Variants in HNRNPD observed in about 807,000 individuals in gnomAD.
HNRNPD encodes heterogeneous nuclear ribonucleoprotein D0.
A neutral mutation model predicts 47.9 loss-of-function variants in HNRNPD; 3 were observed. The observed-to-expected ratio is 0.06, with a 90% CI of 0.03 to 0.16. The LOEUF is 0.16. Among genes scored for constraint, HNRNPD ranks in the 10% least tolerant of loss-of-function variants. The pLI is 1.00. For synonymous variants in HNRNPD, 171 were observed against 165.1 expected, an observed-to-expected ratio of 1.04 and a Z score of -0.28; for missense variants, 287 against 454.2, an observed-to-expected ratio of 0.63 and a Z score of 3.35.
At chr4:82,355,637 C>G (rs910607477) in intron 7 of HNRNPD, 3 of 537,238 alleles carry the variant, frequency 5.6e-6, no homozygotes, top group Admixed American at 7.1e-5. Flanking sequence ...GGGAGACAAT[C>G]CCCTCACCCT....
rs1189821176 is a variant in HNRNPD, at chr4:82,370,818, A to C, written c.290+710T>G. Reference sequence around the variant, plus strand: ...AGGGGAGGGGAAAGGATGGATAAAAAGAACAATACTCAACCTACCAGCCTC... The same window carrying C: ...AGGGGAGGGGAAAGGATGGATAAAACGAACAATACTCAACCTACCAGCCTC... On this transcript the variant is annotated intron_variant, in intron 2 of 8. Transcript: ENST00000313899. Among the ~76,000 whole-genome samples the C allele has an allele frequency of 3.9e-5, 6 of 152,216 alleles. No individual in the cohort carries two copies. In the South Asian group the frequency reaches 1.0e-3, roughly 26 times the overall value.
In HNRNPD at chr4:82,361,390, A is replaced by C. The variant is rs28504223; in HGVS notation, c.291-1751T>G. ...AAAGCAATGACCTCTTGCTAAGATG[A>C]CCATAAGTTCCACAACAGAAATAAC... On this transcript the variant is annotated intron_variant, in intron 2 of 8. Coordinates refer to ENST00000313899, the MANE Select transcript of HNRNPD (RefSeq NM_031370.3). Among the ~76,000 whole-genome samples the C allele has an allele frequency of 5.9e-3, 895 of 152,096 alleles. 17 individuals carry two copies. The East Asian group carries it at 0.066, about 11-fold the overall frequency.
At chr4:82,371,701 A>G (rs1157192357) in intron 1 of HNRNPD, 117 bp from the exon 2 acceptor site, 2 of 696,380 alleles carry the variant, frequency 2.9e-6, no homozygotes, top group Non-Finnish European at 4.8e-6. Flanking sequence ...CTATAAAGTC[A>G]GCTGCTTTGC....
intron 1 of HNRNPD, among the ~76,000 whole-genome samples, chr4:82,372,115 TCCA>T (rs1038716345): frequency 6.6e-6 from 1 of 151,844 alleles, no homozygotes; most frequent in African/African-American, 2.4e-5. Flanking sequence ...TCTTGTTATA[TCCA>T]CCAACACCTT....
intron 4 of HNRNPD, 68 bp downstream of exon 4, chr4:82,358,591 G>C: frequency 1.4e-6 from 2 of 1,402,966 alleles, no homozygotes; most frequent in Non-Finnish European, 2.0e-6. Flanking sequence ...GTGACTCTGA[G>C]TCCATAATGG....
chr4:82,355,277 C>CAA (rs397761541), intron 8 of HNRNPD, 27 bp downstream of exon 8: 2,330 of 1,227,578 alleles, frequency 1.9e-3, no homozygotes, highest in African/African-American at 3.7e-3. Flanking sequence ...TTGTAAATGA[C>CAA]AAAAAAAAAC....
chr4:82,359,045 G>A (rs1208899597), intron 3 of HNRNPD, among the ~76,000 whole-genome samples: 2 of 151,968 alleles, frequency 1.3e-5, no homozygotes, highest in African/African-American at 4.8e-5. Flanking sequence ...CCAATTACTA[G>A]ATAACCATTA....
intron 2 of HNRNPD, among the ~76,000 whole-genome samples, chr4:82,363,901 T>G (rs1046640905): frequency 6.6e-6 from 1 of 152,214 alleles, no homozygotes; most frequent in Non-Finnish European, 1.5e-5. Flanking sequence ...TTTAGGCTCC[T>G]TTGTGGGACA....
intron 2 of HNRNPD, among the ~76,000 whole-genome samples, chr4:82,365,288 C>T (rs1054101880): frequency 6.6e-6 from 1 of 152,152 alleles, no homozygotes; most frequent in East Asian, 1.9e-4. Context: ...ACCTGATATA[C>T]ATTTCAGGTA....
chr4:82,357,009 T>G, intron 5 of HNRNPD, 114 bp from the exon 6 acceptor site: 1 of 927,402 alleles, frequency 1.1e-6, no homozygotes, highest in Non-Finnish European at 1.7e-6. Context: ...AATTTGAAAC[T>G]TTCCTCAGTC....
chr4:82,366,306 C>T (rs1417719260), intron 2 of HNRNPD, among the ~76,000 whole-genome samples: 1 of 152,120 alleles, frequency 6.6e-6, no homozygotes, highest in Non-Finnish European at 1.5e-5. Context: ...TGCGGTGGCG[C>T]GATCTTGGCT....
At chr4:82,373,004 A>G (rs1265102623) in intron 1 of HNRNPD, 2 of 377,684 alleles carry the variant, frequency 5.3e-6, no homozygotes, top group Non-Finnish European at 1.1e-5. Flanking sequence ...ATGGTGGAGA[A>G]GCACCAAATA....
At chr4:82,369,750 G>T (rs1719944461) in intron 2 of HNRNPD, among the ~76,000 whole-genome samples, 1 of 151,428 alleles carries the variant, frequency 6.6e-6, no homozygotes, top group Non-Finnish European at 1.5e-5. Context: ...AAGCCTTAAC[G>T]TCTGGAACAG....
chr4:82,362,483 TA>T (rs33923598), intron 2 of HNRNPD, among the ~76,000 whole-genome samples: 282 of 147,632 alleles, frequency 1.9e-3, no homozygotes, highest in Middle Eastern at 3.5e-3. Context: ...GCTTAGGCTT[TA>T]AAAAAAAAAA....
At chr4:82,372,787 A>C (rs1720123707) in intron 1 of HNRNPD, among the ~76,000 whole-genome samples, 1 of 152,200 alleles carries the variant, frequency 6.6e-6, no homozygotes, top group African/African-American at 2.4e-5. Flanking sequence ...CACCAGACCC[A>C]ATTTGGTCTG....
At chr4:82,356,432 C>T (rs1723715696) in intron 7 of HNRNPD, 105 bp downstream of exon 7, 13 of 885,868 alleles carry the variant, frequency 1.5e-5, no homozygotes, top group Non-Finnish European at 2.1e-5. Context: ...AATTTGAAAC[C>T]TGAAGACATT....
chr4:82,366,430 G>A (rs750961828), intron 2 of HNRNPD, among the ~76,000 whole-genome samples: 4 of 152,132 alleles, frequency 2.6e-5, no homozygotes, highest in Non-Finnish European at 5.9e-5. Flanking sequence ...TTTTAGTAGA[G>A]ACAGGGTTTC....
At chr4:82,359,109 A>G (rs367710312) in intron 3 of HNRNPD, among the ~76,000 whole-genome samples, 1 of 152,206 alleles carries the variant, frequency 6.6e-6, no homozygotes. Flanking sequence ...ATATACAAAC[A>G]TAACTGCTAC....
At chr4:82,366,771 G>C (rs927228073) in intron 2 of HNRNPD, among the ~76,000 whole-genome samples, 1 of 151,610 alleles carries the variant, frequency 6.6e-6, no homozygotes, top group South Asian at 2.1e-4. Flanking sequence ...ATGTTGGCCA[G>C]GCTGGTCTCC....
Sources: gnomAD v4.1 joint callset for allele counts (sites outside exome capture counted in the v4.1 genomes callset) on GRCh38, gnomAD v4.1.1 for gene constraint, MANE v1.5 for transcripts, NCBI Gene and HGNC (gene_info 2026-07-23, HGNC 2026-07-21) for gene names.